Variants in CDC73 observed in about 807,000 individuals in gnomAD.
CDC73 encodes parafibromin.
A neutral mutation model predicts 83.7 loss-of-function variants in CDC73; 21 were observed. The ratio of observed to expected loss-of-function variants is 0.25; its 90% confidence interval spans 0.18 to 0.36. The LOEUF (loss-of-function observed/expected upper bound fraction) is 0.36. Among genes scored for constraint, CDC73 ranks in the 10% least tolerant of loss-of-function variants. The pLI is 1.00. For missense variants in CDC73, 342 were observed against 653.3 expected (o/e 0.52, Z 5.19); for synonymous variants, 224 against 212.9 (o/e 1.05, Z -0.45).
chr1:193,157,250 T>G (rs1184568968), intron 10 of CDC73, among the ~76,000 whole-genome samples: 1 of 152,184 alleles, frequency 6.6e-6, no homozygotes, highest in Non-Finnish European at 1.5e-5. Context: ...TAGGAAAGTT[T>G]GTTTTTCTTC....
chr1:193,249,118 A>G (rs1184658802), intron 15 of CDC73, among the ~76,000 whole-genome samples: 1 of 152,072 alleles, frequency 6.6e-6, no homozygotes, highest in East Asian at 1.9e-4. Flanking sequence ...TCTTATTTTC[A>G]GAAATCGCTA....
In CDC73 at chr1:193,212,487, T is replaced by C. The variant is rs1408849602; in HGVS notation, c.1154+10T>C. On this transcript the variant is annotated intron_variant, in intron 13 of 16. Coordinates refer to ENST00000367435, the MANE Select transcript of CDC73 (RefSeq NM_024529.5). Reference sequence around the variant, plus strand: ...TTCTACAGGACCTGAAGTAAGTAATTTATTAAACTATCCTGTACGTAGGAT... The same window carrying C: ...TTCTACAGGACCTGAAGTAAGTAATCTATTAAACTATCCTGTACGTAGGAT... The C allele has an allele frequency of 2.1e-6, 3 of 1,425,754 alleles. No homozygotes were observed. The highest frequency in any genetic ancestry group is 2.8e-5 in the African/African-American group (2 of 71,296). The allele number at this position is 1,425,754 out of a possible 1,614,324, so 88.3% of individuals were successfully genotyped here.
chr1:193,213,455 A>C (rs1677310581), intron 13 of CDC73, among the ~76,000 whole-genome samples: 1 of 152,014 alleles, frequency 6.6e-6, no homozygotes, highest in South Asian at 2.1e-4. Flanking sequence ...GTGGGATTTT[A>C]AGATAGTTCC....
intron 3 of CDC73, among the ~76,000 whole-genome samples, chr1:193,132,872 T>C (rs1307088353): frequency 6.6e-6 from 1 of 151,594 alleles, no homozygotes; most frequent in African/African-American, 2.4e-5. Context: ...TTGCCCTTTA[T>C]CCATCTATGT....
chr1:193,180,213 TCC>T (rs1357775816), intron 10 of CDC73: 1 of 1,249,786 alleles, frequency 8.0e-7, no homozygotes, highest in Non-Finnish European at 1.1e-6. Context: ...CTAAAACTTG[TCC>T]TACGGATGTA....
chr1:193,239,939 A>G (rs1198951550), intron 15 of CDC73, among the ~76,000 whole-genome samples: 1 of 152,092 alleles, frequency 6.6e-6, no homozygotes, highest in African/African-American at 2.4e-5. Flanking sequence ...AAAAGAATTT[A>G]TTTCTTCTAC....
At chr1:193,164,850 T>TA (rs1010099525) in intron 10 of CDC73, among the ~76,000 whole-genome samples, 197 of 152,328 alleles carry the variant, frequency 1.3e-3, no homozygotes, top group African/African-American at 4.6e-3. Flanking sequence ...TTTGATTTGT[T>TA]AAAAAGTGTT....
chr1:193,202,418 T>C (rs931733112), intron 10 of CDC73, among the ~76,000 whole-genome samples: 12 of 152,060 alleles, frequency 7.9e-5, no homozygotes, highest in Non-Finnish European at 1.3e-4. Context: ...TTTTTTTACA[T>C]TTAAAGTTTT....
intron 3 of CDC73, among the ~76,000 whole-genome samples, chr1:193,131,346 A>G (rs1014326663): frequency 5.3e-5 from 8 of 152,166 alleles, no homozygotes; most frequent in African/African-American, 1.9e-4. Context: ...CCATTCTATC[A>G]ACAAGTTGTT....
In CDC73 at chr1:193,251,376, C is replaced by T. The variant is rs1209331032; in HGVS notation, c.*664C>T. On this transcript the variant is annotated 3_prime_UTR_variant, in exon 17 of 17. Transcript: ENST00000367435. ...GAAACCTAGAATGATGTGTTTCTAT[C>T]TGTAATATCTTTCCATTTGAAAAAA... The T allele has an allele frequency of 4.3e-6, 1 of 231,756 alleles. No individual in the cohort carries two copies. Among genetic ancestry groups the T allele is most frequent in the Non-Finnish European group, 8.6e-6 (1 of 116,932 alleles). The allele number at this position is 231,756 out of a possible 1,614,324, so 14.4% of individuals were successfully genotyped here. A position where few individuals can be genotyped will look rare whatever the true frequency, so the allele number is the denominator to read the frequency against.
intron 15 of CDC73, among the ~76,000 whole-genome samples, chr1:193,242,632 G>A (rs544510569): frequency 6.6e-6 from 1 of 152,104 alleles, no homozygotes; most frequent in Non-Finnish European, 1.5e-5. Flanking sequence ...TAGCTATCTT[G>A]AAGCCCCTCT....
chr1:193,195,634 A>G (rs751066421), intron 10 of CDC73, among the ~76,000 whole-genome samples: 2 of 152,054 alleles, frequency 1.3e-5, no homozygotes, highest in Non-Finnish European at 2.9e-5. Context: ...AAGAATTCCA[A>G]TTTCTCCATC....
chr1:193,253,923 T>G lies in CDC73; in HGVS notation c.*3211T>G. 2 of 223,044 alleles carry G rather than the reference T, an allele frequency of 9.0e-6. No individual in the cohort carries two copies. The highest frequency in any genetic ancestry group is 1.8e-5 in the Non-Finnish European group (2 of 111,606). 13.8% of individuals were successfully genotyped at this position (223,044 alleles called of 1,614,324 possible). A position where few individuals can be genotyped will look rare whatever the true frequency, so the allele number is the denominator to read the frequency against. On this transcript the variant is annotated 3_prime_UTR_variant, in exon 17 of 17. Transcript: ENST00000367435. ...AAAATTAAAGTGATTACATTGTTCT[T>G]TTTTGGAGGGGTGGGGAGGAATATT... is the stretch of plus-strand genomic sequence containing the variant.
At chr1:193,176,336 C>T (rs1239563090) in intron 10 of CDC73, among the ~76,000 whole-genome samples, 1 of 152,166 alleles carries the variant, frequency 6.6e-6, no homozygotes, top group African/African-American at 2.4e-5. Flanking sequence ...TACACAAGAA[C>T]TGTTTTGCTT....
At chr1:193,136,677 G>T (rs888389862) in intron 5 of CDC73, 3 of 170,892 alleles carry the variant, frequency 1.8e-5, no homozygotes, top group African/African-American at 7.2e-5. Context: ...TATAAATTTT[G>T]TGGCAGTAAA....
chr1:193,198,517 G>A (rs12071819), intron 10 of CDC73, among the ~76,000 whole-genome samples: 28,895 of 152,174 alleles, frequency 0.19, 2,845 homozygotes, highest in Middle Eastern at 0.24. Context: ...ACCTGCAGGT[G>A]CCTTGATCTT....
chr1:193,133,142 C>G (rs181442496), intron 3 of CDC73, among the ~76,000 whole-genome samples: 1 of 152,012 alleles, frequency 6.6e-6, no homozygotes, highest in African/African-American at 2.4e-5. Flanking sequence ...ACCTTGTGAT[C>G]TGCCTGCCTC....
At position 193,223,685 on chromosome 1, in the gene CDC73, C is replaced by T. The variant is rs142700038; in HGVS notation, c.1155-9308C>T. On this transcript the variant is annotated intron_variant, in intron 13 of 16. Coordinates refer to ENST00000367435, the MANE Select transcript of CDC73 (RefSeq NM_024529.5). ...GGACTTATTTTCTATTTCAGGAGCC[C>T]AGTGAAATATAGTGAAAAACCAGGC... Among the ~76,000 whole-genome samples, 26 of 152,090 alleles carry T rather than the reference C, an allele frequency of 1.7e-4. No homozygotes were observed. The East Asian group carries it at 3.5e-3, about 20-fold the overall frequency.
intron 6 of CDC73, among the ~76,000 whole-genome samples, chr1:193,138,376 T>C (rs555480905): frequency 2.9e-4 from 44 of 152,242 alleles, no homozygotes; most frequent in Non-Finnish European, 5.7e-4. Flanking sequence ...CTTGTTTCTA[T>C]TACCATGTTG....
Sources: allele counts gnomAD v4.1 joint callset (sites outside exome capture counted in the v4.1 genomes callset), GRCh38; gene constraint gnomAD v4.1.1; transcripts MANE v1.5; gene names NCBI Gene and HGNC (gene_info 2026-07-23, HGNC 2026-07-21).